The following PLCD3 variants were observed in gnomAD, a reference collection of about 807,000 sequenced individuals.
The protein encoded by PLCD3 is 1-phosphatidylinositol 4,5-bisphosphate phosphodiesterase delta-3.
PLCD3 carries 62 observed loss-of-function variants against 82.8 expected under a neutral mutation model. That is an observed-to-expected ratio of 0.75 (90% confidence interval 0.61 to 0.93). PLCD3 has a LOEUF of 0.93. PLCD3 is among the 40% of genes least tolerant of loss of function. The probability of loss-of-function intolerance (pLI) is 0.00; values close to 1 mark genes in which losing one functional copy is unlikely to be tolerated. For missense variants in PLCD3, 1,023 were observed against 1,103.4 expected (o/e 0.93, Z 1.03); for synonymous variants, 478 against 471.8 (o/e 1.01, Z -0.17).
chr17:45,123,201 G>A (rs1290841335), intron 1 of PLCD3, among the ~76,000 whole-genome samples: 4 of 151,976 alleles, frequency 2.6e-5, no homozygotes, highest in Non-Finnish European at 5.9e-5. Context: ...CCCTCTCTTG[G>A]ACCCTTTTGT....
intron 10 of PLCD3, among the ~76,000 whole-genome samples, 190 bp downstream of exon 10, chr17:45,114,904 C>T (rs779859696): frequency 4.6e-5 from 7 of 152,218 alleles, no homozygotes; most frequent in Non-Finnish European, 8.8e-5. Context: ...GACAGCAGGC[C>T]GCCCTCAGCG....
chr17:45,114,717 G>T (rs1486828495), intron 10 of PLCD3, among the ~76,000 whole-genome samples: 1 of 152,186 alleles, frequency 6.6e-6, no homozygotes, highest in East Asian at 1.9e-4. Context: ...TGTCTGGAAA[G>T]CGCTCTCCCC....
rs1291252273 is a variant in PLCD3 at position 45,118,318 on chromosome 17, C to A, written c.1088G>T (p.Gly363Val). 1 of 1,614,002 alleles carries A rather than the reference C, an allele frequency of 6.2e-7. No homozygotes were observed. ...AACATAGGCCTCGGTGCTGCTGGGC[C>A]CCCCGATCTGGGAGTCAGTCAGATA... ...NTYLTDSQIG[G>V]PSSTEAYVRA... Residue 363 changes from glycine to valine, a missense_variant, in exon 6 of 15, where the codon GGG becomes GTG. This residue lies in a region of PLCD3 where 553 missense variants were observed against 655.7 expected (regional missense o/e 0.84). Coordinates refer to ENST00000619929, the MANE Select transcript of PLCD3 (RefSeq NM_133373.5). This position sits in a 1 kb window ranked among gnomAD's most constrained non-coding sequence, Gnocchi z 4.1.
intron 1 of PLCD3, among the ~76,000 whole-genome samples, chr17:45,122,407 A>T (rs2143577760): frequency 6.6e-6 from 1 of 152,350 alleles, no homozygotes; most frequent in East Asian, 1.9e-4. Flanking sequence ...AGACAAGGAA[A>T]CTGAGGCTCA....
chr17:45,113,285 G>A, intron 12 of PLCD3, 28 bp from the exon 13 acceptor site: 2 of 1,580,880 alleles, frequency 1.3e-6, no homozygotes, highest in South Asian at 1.1e-5. Flanking sequence ...AGTGGCTGGG[G>A]CCCACGCCCA....
rs373619816 is a variant in PLCD3 at position 45,120,457 on chromosome 17, G to A, written c.555-3C>T. ...GGTGCAGATAGGAGTGGATCCAGGT[G>A]TGGGTGCTCAGGAAATAACAGCAAC... is the stretch of plus-strand genomic sequence containing the variant. On this transcript the variant is annotated splice_region_variant and splice_polypyrimidine_tract_variant and intron_variant, in intron 3 of 14. Coordinates refer to ENST00000619929, the MANE Select transcript of PLCD3 (RefSeq NM_133373.5). 2 of 1,613,812 alleles carry A rather than the reference G, an allele frequency of 1.2e-6. No individual in the cohort carries two copies. The highest frequency in any genetic ancestry group is 2.7e-5 in the African/African-American group (2 of 74,934).
At chr17:45,120,799 A>AG (rs11382448) in intron 3 of PLCD3, 103 bp downstream of exon 3, 1,286,749 of 1,286,772 alleles carry the variant, frequency 1, 643,363 homozygotes, top group Middle Eastern at 1. Flanking sequence ...CCCTCAGGAC[A>AG]GGGCCCTGCC....
intron 1 of PLCD3, among the ~76,000 whole-genome samples, chr17:45,126,268 G>C (rs1009918233): frequency 6.7e-6 from 1 of 150,168 alleles, no homozygotes; most frequent in African/African-American, 2.5e-5. Flanking sequence ...GGATGGTCTT[G>C]ATATCCTGAC....
chr17:45,118,517 T>A lies in PLCD3; in HGVS notation c.914-25A>T. Reference sequence around the variant, plus strand: ...GCTGCAGGGGTGGCAGGAGAGGGCATCAGGCCACATAGGGATCCCCCATGT... The same window carrying A: ...GCTGCAGGGGTGGCAGGAGAGGGCAACAGGCCACATAGGGATCCCCCATGT... On this transcript the variant is annotated intron_variant, in intron 5 of 14. Coordinates refer to ENST00000619929, the MANE Select transcript of PLCD3 (RefSeq NM_133373.5). The surrounding 1 kb of genome is among the most constrained non-coding windows in gnomAD (Gnocchi z 4.1). 1 of 1,612,828 alleles carries A rather than the reference T, an allele frequency of 6.2e-7. No individual in the cohort carries two copies. The highest frequency in any genetic ancestry group is 8.5e-7 in the Non-Finnish European group (1 of 1,179,360).
Position 45,118,402 on chromosome 17 carries a change from A to G in PLCD3, c.1004T>C (p.Val335Ala). 6.2e-7 allele frequency: 1 copy of G among 1,614,026 alleles called. No individual in the cohort carries two copies. Among genetic ancestry groups the G allele is most frequent in the East Asian group, 2.2e-5 (1 of 44,880 alleles). Residue 335 changes from valine (V) to alanine (A), a missense_variant, in exon 6 of 15, where the codon GTG becomes GCG. By Grantham distance (64) the Val-to-Ala change is moderately conservative (BLOSUM62 0). Coordinates refer to ENST00000619929, the MANE Select transcript of PLCD3 (RefSeq NM_133373.5). This position sits in a 1 kb window ranked among gnomAD's most constrained non-coding sequence, Gnocchi z 4.1. ...GAALDNTHTC[V>A]FQDMNQPLAH... The stretch of plus-strand genomic sequence containing the variant: ...AAGGGGCTGGTTCATGTCCTGGAAC[A>G]CACACGTGTGGGTGTTGTCCAAGGC...
intron 8 of PLCD3, 147 bp from the exon 9 acceptor site, chr17:45,115,637 T>C: frequency 1.4e-6 from 1 of 698,950 alleles, no homozygotes; most frequent in Non-Finnish European, 2.4e-6. Context: ...ATGTTTCTAA[T>C]AGGAAAGAGT....
chr17:45,129,690 C>G (rs1479240833), intron 1 of PLCD3, among the ~76,000 whole-genome samples: 1 of 152,232 alleles, frequency 6.6e-6, no homozygotes, highest in African/African-American at 2.4e-5. Context: ...CAGTGCCTCA[C>G]GCATGGCGGG....
intron 10 of PLCD3, 137 bp downstream of exon 10, chr17:45,114,957 T>A: frequency 7.8e-7 from 1 of 1,284,570 alleles, no homozygotes; most frequent in Non-Finnish European, 1.0e-6. Flanking sequence ...GGGGCCCTCA[T>A]TCCCTCAGCC....
chr17:45,120,775 A>C (rs1443784989), intron 3 of PLCD3, 127 bp downstream of exon 3: 5 of 1,167,950 alleles, frequency 4.3e-6, no homozygotes, highest in Non-Finnish European at 4.6e-6. Flanking sequence ...AAGGGCTCCG[A>C]CCCAGACCGT....
rs1485748393 is a variant in PLCD3, at chr17:45,112,851, G to A, written c.2281+12C>T. The A allele has an allele frequency of 6.2e-7, 1 of 1,611,776 alleles. No individual in the cohort carries two copies. Among genetic ancestry groups the A allele is most frequent in the Non-Finnish European group, 8.5e-7 (1 of 1,178,990 alleles). On this transcript the variant is annotated intron_variant, in intron 14 of 14. Transcript: ENST00000619929. ...CCCACATCCCTCTCCATCCCCACCA[G>A]CCTCCACCAACCTTGCTTTAGGCTG... is the stretch of plus-strand genomic sequence containing the variant.
chr17:45,119,561 T>C (rs1426270170), intron 4 of PLCD3, among the ~76,000 whole-genome samples: 1 of 152,212 alleles, frequency 6.6e-6, no homozygotes, highest in African/African-American at 2.4e-5. Flanking sequence ...AAAAGGTCTC[T>C]CTGGTTCAGT....
In PLCD3 at chr17:45,120,351, C is replaced by T; in HGVS notation, c.658G>A (p.Asp220Asn). Residue 220 changes from aspartate (D) to asparagine (N), a missense_variant, in exon 4 of 15, where the codon GAC (aspartate) becomes AAC (asparagine). Asp to Asn is a conservative substitution (Grantham distance 23). Coordinates refer to ENST00000619929, the MANE Select transcript of PLCD3 (RefSeq NM_133373.5). ...LLRMVNVDMN[D>N]MYAYLLFKEC... is the part of the protein sequence containing the mutation. Reference sequence around the variant, plus strand: ...TTGAAGAGGAGGTAGGCGTACATGTCGTTCATGTCCACGTTGACCATTCTC... The same window carrying T: ...TTGAAGAGGAGGTAGGCGTACATGTTGTTCATGTCCACGTTGACCATTCTC... The T allele has an allele frequency of 6.2e-7, 1 of 1,614,020 alleles. No individual in the cohort carries two copies. The highest frequency in any genetic ancestry group is 8.5e-7 in the Non-Finnish European group (1 of 1,179,868).
intron 1 of PLCD3, among the ~76,000 whole-genome samples, chr17:45,128,699 G>A (rs911871578): frequency 3.3e-5 from 5 of 152,252 alleles, no homozygotes; most frequent in African/African-American, 7.2e-5. Context: ...ACGGGGCTGT[G>A]GGGACACAGG....
At chr17:45,130,683 C>T (rs2054414683) in intron 1 of PLCD3, among the ~76,000 whole-genome samples, 1 of 152,184 alleles carries the variant, frequency 6.6e-6, no homozygotes, top group African/African-American at 2.4e-5. Flanking sequence ...CAGCCTCCCT[C>T]CTTGGGTCTC....
Sources: allele counts gnomAD v4.1 joint callset (sites outside exome capture counted in the v4.1 genomes callset), GRCh38; gene constraint gnomAD v4.1.1; regional missense constraint gnomAD v4.1.1; non-coding constraint Gnocchi (gnomAD v3.1); transcripts MANE v1.5; gene names NCBI Gene and HGNC (gene_info 2026-07-23, HGNC 2026-07-21).